Variants in BCAS3 observed in about 807,000 individuals in gnomAD.
BCAS3 encodes the protein BCAS3 microtubule associated cell migration factor.
Under a neutral mutation model 116.1 loss-of-function variants are expected in BCAS3, and 53 were observed. That is an observed-to-expected ratio of 0.46 (90% CI 0.37 to 0.57). The LOEUF is 0.57. Among genes scored for constraint, BCAS3 ranks in the 20% least tolerant of loss-of-function variants. BCAS3 has a pLI of 0.00. For missense variants in BCAS3, 917 were observed against 1,165.4 expected, an observed-to-expected ratio of 0.79 and a Z score of 3.10; for synonymous variants, 391 against 408.2, an observed-to-expected ratio of 0.96 and a Z score of 0.51.
At chr17:61,093,168 A>T (rs1344870277) in intron 22 of BCAS3, among the ~76,000 whole-genome samples, 1 of 152,080 alleles carries the variant, frequency 6.6e-6, no homozygotes, top group Non-Finnish European at 1.5e-5. Context: ...TCGGCCTCCC[A>T]AAGTGCTGGG....
At chr17:61,216,409 T>C (rs1169220444) in intron 22 of BCAS3, among the ~76,000 whole-genome samples, 1 of 152,190 alleles carries the variant, frequency 6.6e-6, no homozygotes. Flanking sequence ...AAACCAGAAG[T>C]ATAAAGTAAA....
intron 19 of BCAS3, among the ~76,000 whole-genome samples, chr17:61,074,102 C>A: frequency 7.2e-6 from 1 of 138,880 alleles, no homozygotes; most frequent in African/African-American, 2.7e-5. Flanking sequence ...CAGCAAGATC[C>A]TATCTCTTAA....
intron 6 of BCAS3, among the ~76,000 whole-genome samples, chr17:60,757,328 TAATAAATAAATA>T (rs1304670427): frequency 3.7e-4 from 7 of 19,018 alleles, no homozygotes; most frequent in African/African-American, 3.5e-4. Flanking sequence ...AAAATAATAA[TAATAAATAAATA>T]AATAAATAAA....
At chr17:61,053,927 A>G (rs950977171) in intron 19 of BCAS3, among the ~76,000 whole-genome samples, 4 of 152,236 alleles carry the variant, frequency 2.6e-5, no homozygotes, top group African/African-American at 9.6e-5. Flanking sequence ...TTTCTTTAAG[A>G]AACTAAACAT....
chr17:61,132,976 A>C lies in BCAS3; in HGVS notation c.2425+48412A>C, dbSNP rs1271093596. 6.6e-6 allele frequency among the ~76,000 whole-genome samples: 1 copy of C among 152,232 alleles called. No individual in the cohort carries two copies. The highest frequency in any genetic ancestry group is 2.4e-5 in the African/African-American group (1 of 41,454). ...CTTTTCTTGGAGAAAGTCTCACTGT[A>C]CTGAAAGAATCTTGTCAGATATCCA... On this transcript the variant is annotated intron_variant, in intron 22 of 23. Transcript: ENST00000407086. The surrounding 1 kb of genome is among the most constrained non-coding windows in gnomAD (Gnocchi z 5.1).
At chr17:60,823,641 T>C (rs1000862367) in intron 7 of BCAS3, among the ~76,000 whole-genome samples, 1 of 152,184 alleles carries the variant, frequency 6.6e-6, no homozygotes, top group Non-Finnish European at 1.5e-5. Flanking sequence ...AAGTTAATTC[T>C]CTTTAGAGTT....
At position 61,058,983 on chromosome 17, in the gene BCAS3, G is replaced by C. The variant is rs574372986; in HGVS notation, c.2030-15937G>C. The stretch of plus-strand genomic sequence containing the variant: ...TGTGATCTTTAGAGTCAGCAGTCCT[G>C]AATTTGAACTCTGTCTCTGCTACTT... On this transcript the variant is annotated intron_variant, in intron 19 of 23. Coordinates refer to ENST00000407086, the MANE Select transcript of BCAS3 (RefSeq NM_017679.5). 2.1e-5 allele frequency among the ~76,000 whole-genome samples: 3 copies of C among 143,502 alleles called. No individual in the cohort carries two copies. The East Asian group carries it at 6.8e-4, about 33-fold the overall frequency. The allele number at this position is 143,502 out of a possible 152,430, so 94.1% of individuals were successfully genotyped here. A position where few individuals can be genotyped will look rare whatever the true frequency, so the allele number is the denominator to read the frequency against.
At chr17:60,899,563 T>G (rs1486888557) in intron 10 of BCAS3, among the ~76,000 whole-genome samples, 3 of 152,018 alleles carry the variant, frequency 2.0e-5, no homozygotes, top group Non-Finnish European at 4.4e-5. Flanking sequence ...AGTGGCGCAA[T>G]CTTGGCTCAC....
intron 19 of BCAS3, among the ~76,000 whole-genome samples, chr17:61,060,307 G>T (rs7502733): frequency 0.87 from 128,307 of 147,870 alleles, 55,958 homozygotes; most frequent in East Asian, 1. Flanking sequence ...TTTTTTTTTT[G>T]TGTATTTTTA....
In BCAS3 at chr17:61,156,400, A is replaced by T. The variant is rs2077842081; in HGVS notation, c.2425+71836A>T. ...TTTTATCTTGTTTCTTTTGGGGGAA[A>T]CTTAGAGTAATATTTGGTCTGCCAA... On this transcript the variant is annotated intron_variant, in intron 22 of 23. Transcript: ENST00000407086. The surrounding 1 kb of genome is among the most constrained non-coding windows in gnomAD (Gnocchi z 4.7). 6.6e-6 allele frequency among the ~76,000 whole-genome samples: 1 copy of T among 152,092 alleles called. No individual in the cohort carries two copies. Among genetic ancestry groups the T allele is most frequent in the Non-Finnish European group, 1.5e-5 (1 of 68,012 alleles).
chr17:60,809,633 T>C (rs9906489), intron 7 of BCAS3, among the ~76,000 whole-genome samples: 35,930 of 152,170 alleles, frequency 0.24, 7,812 homozygotes, highest in African/African-American at 0.58. Flanking sequence ...GCCAGCATTA[T>C]CTGCAGAAAT....
intron 5 of BCAS3, among the ~76,000 whole-genome samples, chr17:60,714,548 G>A (rs1007729061): frequency 6.6e-6 from 1 of 152,060 alleles, no homozygotes; most frequent in Non-Finnish European, 1.5e-5. Context: ...AGCTACTTTG[G>A]AGGCTGAGGC....
At position 61,265,548 on chromosome 17, in the gene BCAS3, T is replaced by C. The variant is rs2049615971; in HGVS notation, c.2426-102779T>C. On this transcript the variant is annotated intron_variant, in intron 22 of 23. Transcript: ENST00000407086. This position sits in a 1 kb window ranked among gnomAD's most constrained non-coding sequence, Gnocchi z 4.3. ...ATACTCTAGACCAAATTTCTGCTTC[T>C]GTGGGCCTGGTTTCTACAATCTTGT... 6.6e-6 allele frequency among the ~76,000 whole-genome samples: 1 copy of C among 152,260 alleles called. No homozygotes were observed. Among genetic ancestry groups the C allele is most frequent in the Admixed American group, 6.5e-5 (1 of 15,282 alleles).
intron 22 of BCAS3, among the ~76,000 whole-genome samples, chr17:61,135,346 C>A (rs2076566807): frequency 6.6e-6 from 1 of 152,234 alleles, no homozygotes; most frequent in African/African-American, 2.4e-5. Flanking sequence ...AAATTTATAT[C>A]TGCATTAGGT....
At chr17:61,329,466 A>G (rs527268553) in intron 22 of BCAS3, among the ~76,000 whole-genome samples, 10 of 147,280 alleles carry the variant, frequency 6.8e-5, no homozygotes, top group Middle Eastern at 7.3e-3. Context: ...TCAGCCCCCC[A>G]AGTAACTGGG....
At chr17:60,938,711 AAGATAGATAGATAGATAGATAGAT>A (rs77328962) in intron 13 of BCAS3, among the ~76,000 whole-genome samples, 1 of 146,570 alleles carries the variant, frequency 6.8e-6, no homozygotes, top group Non-Finnish European at 1.5e-5. Context: ...TTTCTGATAG[AAGATAGATAGATAGATAGATAGAT>A]AGATAGATAG....
chr17:61,302,257 A>C lies in BCAS3; in HGVS notation c.2426-66070A>C, dbSNP rs1488345504. Among the ~76,000 whole-genome samples, 1 of 152,178 alleles carries C rather than the reference A, an allele frequency of 6.6e-6. No homozygotes were observed. The highest frequency in any genetic ancestry group is 1.5e-5 in the Non-Finnish European group (1 of 68,042). On this transcript the variant is annotated intron_variant, in intron 22 of 23. Coordinates refer to ENST00000407086, the MANE Select transcript of BCAS3 (RefSeq NM_017679.5). This position sits in a 1 kb window ranked among gnomAD's most constrained non-coding sequence, Gnocchi z 4.4. The stretch of plus-strand genomic sequence containing the variant: ...TCTTGTCTCTTAATGTCACATCAGA[A>C]TGTACCACGGAATCTGACTTTGCCA...
At chr17:60,687,682 G>A (rs191638050) in intron 3 of BCAS3, among the ~76,000 whole-genome samples, 41 of 152,150 alleles carry the variant, frequency 2.7e-4, no homozygotes, top group Non-Finnish European at 3.2e-4. Context: ...GGCAATAGGT[G>A]AGTCTGTGTC....
chr17:61,202,355 A>G (rs1167894415), intron 22 of BCAS3, among the ~76,000 whole-genome samples: 1 of 151,856 alleles, frequency 6.6e-6, no homozygotes, highest in Non-Finnish European at 1.5e-5. Context: ...CGATTTGCGC[A>G]ATCTATCACA....
Sources: allele counts gnomAD v4.1 joint callset (sites outside exome capture counted in the v4.1 genomes callset), GRCh38; gene constraint gnomAD v4.1.1; non-coding constraint Gnocchi (gnomAD v3.1); transcripts MANE v1.5; gene names NCBI Gene and HGNC (gene_info 2026-07-23, HGNC 2026-07-21).